The following SMIM31 variants were observed in gnomAD, a reference collection of about 807,000 sequenced individuals.
SMIM31 encodes the protein small integral membrane protein 31, also known as human epithelial cell program regulator.
intron 2 of SMIM31, among the ~76,000 whole-genome samples, chr4:164,776,039 G>A (rs1268092266): frequency 6.6e-6 from 1 of 152,134 alleles, no homozygotes; most frequent in African/African-American, 2.4e-5. Flanking sequence ...ATTGCCTGCA[G>A]AATAAAATGA....
chr4:164,758,167 T>C (rs1323780731), intron 1 of SMIM31, among the ~76,000 whole-genome samples: 1 of 152,106 alleles, frequency 6.6e-6, no homozygotes, highest in Non-Finnish European at 1.5e-5. Context: ...AATTATTATG[T>C]TTTATTTTAC....
chr4:164,796,174 G>C (rs1243597802), intron 2 of SMIM31, among the ~76,000 whole-genome samples: 1 of 152,214 alleles, frequency 6.6e-6, no homozygotes, highest in South Asian at 2.1e-4. Context: ...TCTATTGGCC[G>C]GGTGGTGTTC....
intron 1 of SMIM31, among the ~76,000 whole-genome samples, chr4:164,758,870 G>A (rs1241238440): frequency 2.4e-5 from 3 of 123,462 alleles, no homozygotes; most frequent in Non-Finnish European, 4.8e-5. Flanking sequence ...GGGTTTCACC[G>A]TGTTAGCCAG....
intron 1 of SMIM31, among the ~76,000 whole-genome samples, chr4:164,755,471 C>G (rs1202164227): frequency 7.1e-6 from 1 of 140,894 alleles, no homozygotes; most frequent in Non-Finnish European, 1.5e-5. Context: ...CAGAGGGAGA[C>G]TCTGTCTCAA....
At chr4:164,782,159 A>G (rs1292227939) in intron 2 of SMIM31, among the ~76,000 whole-genome samples, 1 of 151,604 alleles carries the variant, frequency 6.6e-6, no homozygotes, top group Non-Finnish European at 1.5e-5. Context: ...GGGTGGTGGC[A>G]CTTGCCTGTA....
intron 2 of SMIM31, among the ~76,000 whole-genome samples, chr4:164,780,946 A>G (rs1204803143): frequency 6.6e-6 from 1 of 152,132 alleles, no homozygotes; most frequent in Non-Finnish European, 1.5e-5. Context: ...AGTAGCTAGG[A>G]CTAGAGGCAC....
chr4:164,781,026 CGCAA>C (rs1457689195), intron 2 of SMIM31, among the ~76,000 whole-genome samples: 1 of 152,038 alleles, frequency 6.6e-6, no homozygotes, highest in Non-Finnish European at 1.5e-5. Context: ...CCAGGCAGGT[CGCAA>C]ACTCCTGGCC....
intron 2 of SMIM31, among the ~76,000 whole-genome samples, chr4:164,800,162 G>A (rs1431424112): frequency 1.3e-5 from 2 of 151,976 alleles, no homozygotes; most frequent in African/African-American, 2.4e-5. Context: ...GATTTCTTGA[G>A]GTTCCAGAGG....
intron 1 of SMIM31, among the ~76,000 whole-genome samples, chr4:164,756,551 G>T (rs1247167821): frequency 1.3e-5 from 2 of 150,420 alleles, no homozygotes; most frequent in African/African-American, 4.9e-5. Flanking sequence ...GAGACTGGGG[G>T]ACAGAGCGAG....
rs139829185 is a variant in SMIM31 at position 164,766,418 on chromosome 4, G to A, written c.-25-4001G>A. The stretch of plus-strand genomic sequence containing the variant: ...TTATGGGAAAATGTACTATATGCCC[G>A]TCATTTTTCTAAGCCCTATAGGTAC... On this transcript the variant is annotated intron_variant, in intron 1 of 2. Coordinates refer to ENST00000507311, the MANE Select transcript of SMIM31 (RefSeq NM_001352885.1). 2.6e-4 allele frequency among the ~76,000 whole-genome samples: 39 copies of A among 152,204 alleles called. No homozygotes were observed. The East Asian group carries it at 7.2e-3, about 28-fold the overall frequency.
At chr4:164,789,812 T>C (rs1733076607) in intron 2 of SMIM31, among the ~76,000 whole-genome samples, 1 of 152,226 alleles carries the variant, frequency 6.6e-6, no homozygotes. Flanking sequence ...TATCCTTCTC[T>C]GACGAAAACT....
rs573450532 is a variant in SMIM31, at chr4:164,787,590, C to T, written c.113-13501C>T. On this transcript the variant is annotated intron_variant, in intron 2 of 2. Transcript: ENST00000507311. ...CTAGTGGATACAGTCAGAGTAGGCC[C>T]GCTGTTCTCCGTCTTCTCTCTTCCA... 4.7e-5 allele frequency among the ~76,000 whole-genome samples: 7 copies of T among 148,498 alleles called. No homozygotes were observed. The South Asian group carries it at 1.1e-3, about 23-fold the overall frequency.
chr4:164,774,992 C>G (rs1164133962), intron 2 of SMIM31, among the ~76,000 whole-genome samples: 1 of 152,218 alleles, frequency 6.6e-6, no homozygotes, highest in Admixed American at 6.5e-5. Flanking sequence ...AATCTACTTA[C>G]TTGTAGGAAA....
chr4:164,781,151 CACACACACAAT>C (rs1732944529), intron 2 of SMIM31, among the ~76,000 whole-genome samples: 1 of 151,040 alleles, frequency 6.6e-6, no homozygotes, highest in Non-Finnish European at 1.5e-5. Context: ...CACACACACA[CACACACACAAT>C]ACCAAGTACT....
intron 1 of SMIM31, among the ~76,000 whole-genome samples, chr4:164,769,515 T>C (rs1351375260): frequency 6.9e-6 from 1 of 144,860 alleles, no homozygotes; most frequent in Non-Finnish European, 1.5e-5. Flanking sequence ...AAACACCGCA[T>C]GTTCTCACCC....
chr4:164,803,068 C>T lies in SMIM31; in HGVS notation c.*1874C>T, dbSNP rs1332216239. The T allele has an allele frequency of 7.9e-5, 12 of 152,142 alleles. No homozygotes were observed. Among genetic ancestry groups the T allele is most frequent in the African/African-American group, 2.7e-4 (11 of 41,420 alleles). The allele number at this position is 152,142 out of a possible 1,614,324, so 9.4% of individuals were successfully genotyped here. Reference sequence around the variant, plus strand: ...TATAAGTAAAATGTGTAACTCAGTGCCTAGGATCGTTGCTGAATAACGCTA... The same window carrying T: ...TATAAGTAAAATGTGTAACTCAGTGTCTAGGATCGTTGCTGAATAACGCTA... On this transcript the variant is annotated 3_prime_UTR_variant, in exon 3 of 3. Transcript: ENST00000507311.
intron 1 of SMIM31, among the ~76,000 whole-genome samples, chr4:164,761,838 G>A (rs1410832078): frequency 6.6e-6 from 1 of 151,902 alleles, no homozygotes; most frequent in Admixed American, 6.6e-5. Context: ...ACAGAGAAGT[G>A]CTTGAACCCG....
chr4:164,790,729 T>A (rs1733088638), intron 2 of SMIM31, among the ~76,000 whole-genome samples: 1 of 152,216 alleles, frequency 6.6e-6, no homozygotes, highest in Non-Finnish European at 1.5e-5. Context: ...AAAAGTATAC[T>A]TTTTGGGTAT....
rs1733302303 is a variant in SMIM31, at chr4:164,802,634, C to T, written c.*1440C>T. ...CCACAATACAACCAAAGATACCTACCTGCATCTCATAAGAATCATAGCTCA... is the reference window on the plus strand; with the variant it reads ...CCACAATACAACCAAAGATACCTACTTGCATCTCATAAGAATCATAGCTCA... On this transcript the variant is annotated 3_prime_UTR_variant, in exon 3 of 3. Coordinates refer to ENST00000507311, the MANE Select transcript of SMIM31 (RefSeq NM_001352885.1). The T allele has an allele frequency of 6.6e-6, 1 of 152,244 alleles. No individual in the cohort carries two copies. The highest frequency in any genetic ancestry group is 6.5e-5 in the Admixed American group (1 of 15,282). 9.4% of individuals were successfully genotyped at this position (152,244 alleles called of 1,614,324 possible). A position where few individuals can be genotyped will look rare whatever the true frequency, so the allele number is the denominator to read the frequency against.
Sources: gnomAD v4.1 joint callset for allele counts (sites outside exome capture counted in the v4.1 genomes callset) on GRCh38, gnomAD v4.1.1 for gene constraint, MANE v1.5 for transcripts, NCBI Gene and HGNC (gene_info 2026-07-23, HGNC 2026-07-21) for gene names.